The following CUX2 variants were observed in gnomAD, a reference collection of about 807,000 sequenced individuals.
CUX2 encodes the protein cut like homeobox 2, also known as homeobox protein cut-like 2.
Under a neutral mutation model 144.8 loss-of-function variants are expected in CUX2, and 40 were observed. The ratio of observed to expected loss-of-function variants is 0.28; its 90% CI spans 0.21 to 0.36. The LOEUF (loss-of-function observed/expected upper bound fraction) is 0.36, where lower values mean the gene tolerates loss of function less well. Ranked by LOEUF, CUX2 falls within the 10% of genes least tolerant of loss-of-function variation. The probability of loss-of-function intolerance (pLI) is 1.00; values close to 1 mark genes in which losing one functional copy is unlikely to be tolerated. For synonymous variants in CUX2, 827 were observed against 875.6 expected, an observed-to-expected ratio of 0.94 and a Z score of 0.98; for missense variants, 1,615 against 1,994.0, an observed-to-expected ratio of 0.81 and a Z score of 3.62.
At chr12:111,067,047 G>T (rs1301261989) in intron 1 of CUX2, among the ~76,000 whole-genome samples, 1 of 152,214 alleles carries the variant, frequency 6.6e-6, no homozygotes, top group Non-Finnish European at 1.5e-5. Flanking sequence ...GGCTGGGGAG[G>T]TGGACTGGCC....
At chr12:111,313,009 C>T (rs893588843) in intron 16 of CUX2, among the ~76,000 whole-genome samples, 59 of 152,282 alleles carry the variant, frequency 3.9e-4, no homozygotes, top group Middle Eastern at 3.4e-3. Flanking sequence ...CAAATTCTGG[C>T]TCTGCTGTTT....
At chr12:111,094,427 C>G (rs1484734879) in intron 1 of CUX2, among the ~76,000 whole-genome samples, 1 of 152,246 alleles carries the variant, frequency 6.6e-6, no homozygotes, top group Non-Finnish European at 1.5e-5. Flanking sequence ...GTTAACTGAG[C>G]TTGGGGACTG....
intron 19 of CUX2, among the ~76,000 whole-genome samples, chr12:111,336,424 TTGTGTGTGTGTGTGTG>T (rs57009074): frequency 6.8e-6 from 1 of 146,026 alleles, no homozygotes; most frequent in Non-Finnish European, 1.5e-5. Flanking sequence ...CACTTCAGTG[TTGTGTGTGTGTGTGTG>T]TGTGTGTGTG....
intron 1 of CUX2, among the ~76,000 whole-genome samples, chr12:111,049,116 C>T (rs1870136898): frequency 6.6e-6 from 1 of 152,128 alleles, no homozygotes; most frequent in Admixed American, 6.5e-5. Flanking sequence ...ATCCATCCAT[C>T]CCATGAATCC....
intron 1 of CUX2, among the ~76,000 whole-genome samples, chr12:111,055,352 T>C (rs947490247): frequency 6.6e-6 from 1 of 152,230 alleles, no homozygotes; most frequent in Non-Finnish European, 1.5e-5. Flanking sequence ...TTCCTGTCCT[T>C]CCTATCCTGG....
chr12:111,176,929 G>C (rs927832726), intron 1 of CUX2, among the ~76,000 whole-genome samples: 4 of 152,166 alleles, frequency 2.6e-5, no homozygotes, highest in African/African-American at 9.7e-5. Context: ...TCTCATTGCA[G>C]GGTCGTCCTG....
At chr12:111,248,126 C>G (rs1264352195) in intron 3 of CUX2, among the ~76,000 whole-genome samples, 2 of 152,200 alleles carry the variant, frequency 1.3e-5, no homozygotes, top group African/African-American at 4.8e-5. Context: ...GTCTTGAACT[C>G]CTGACCTCAG....
intron 10 of CUX2, 48 bp from the exon 11 acceptor site, chr12:111,306,873 A>ACC: frequency 6.8e-7 from 1 of 1,479,082 alleles, no homozygotes; most frequent in Non-Finnish European, 9.2e-7. Flanking sequence ...AGACCTGTGG[A>ACC]CCCCCATCCC....
At chr12:111,142,239 A>G (rs1436700624) in intron 1 of CUX2, among the ~76,000 whole-genome samples, 1 of 152,204 alleles carries the variant, frequency 6.6e-6, no homozygotes, top group Non-Finnish European at 1.5e-5. Flanking sequence ...GGCCCCTCCA[A>G]TTCAAAATAA....
At chr12:111,087,366 C>CAAAAAAAA (rs1159500448) in intron 1 of CUX2, among the ~76,000 whole-genome samples, 47 of 45,016 alleles carry the variant, frequency 1.0e-3, no homozygotes, top group Non-Finnish European at 1.2e-3. Context: ...GACTCCATCT[C>CAAAAAAAA]AAAAAAAAAA....
intron 1 of CUX2, among the ~76,000 whole-genome samples, chr12:111,085,546 T>C (rs945212887): frequency 3.9e-5 from 6 of 152,202 alleles, no homozygotes; most frequent in African/African-American, 1.4e-4. Context: ...GTAAATACTT[T>C]TGGTCTCTGA....
chr12:111,084,770 G>A (rs368724967), intron 1 of CUX2, among the ~76,000 whole-genome samples: 6 of 152,282 alleles, frequency 3.9e-5, no homozygotes, highest in South Asian at 2.1e-4. Context: ...CAGCGACGGC[G>A]CTGTATAATG....
At chr12:111,242,674 CGTGGTG>C (rs1175564428) in intron 3 of CUX2, among the ~76,000 whole-genome samples, 2 of 152,060 alleles carry the variant, frequency 1.3e-5, no homozygotes, top group African/African-American at 2.4e-5. Context: ...ATTAGCCAGG[CGTGGTG>C]GTGCATGCCT....
chr12:111,288,129 G>A (rs985280758), intron 4 of CUX2, among the ~76,000 whole-genome samples: 1 of 152,150 alleles, frequency 6.6e-6, no homozygotes, highest in South Asian at 2.1e-4. Flanking sequence ...AGTGACATTT[G>A]AGTTGTACTA....
At chr12:111,228,733 A>C (rs1367268117) in intron 3 of CUX2, among the ~76,000 whole-genome samples, 1 of 151,960 alleles carries the variant, frequency 6.6e-6, no homozygotes, top group African/African-American at 2.4e-5. Context: ...CTTAAAAACT[A>C]TGTTTTTTAT....
At chr12:111,270,654 A>C (rs1265564) in intron 4 of CUX2, 45,239 of 151,440 alleles carry the variant, frequency 0.3, 9,219 homozygotes, top group Non-Finnish European at 0.45. Context: ...AAAAAAAAAA[A>C]AAAAACAAGG....
intron 1 of CUX2, among the ~76,000 whole-genome samples, chr12:111,168,962 C>T (rs975892219): frequency 2.0e-5 from 3 of 151,906 alleles, no homozygotes; most frequent in Non-Finnish European, 2.9e-5. Context: ...CCCCTCCCCC[C>T]ACTGTCATCA....
Position 111,273,590 on chromosome 12 carries a change from C to A in CUX2, c.301+9751C>A, listed in dbSNP as rs191336276. 5.1e-3 allele frequency among the ~76,000 whole-genome samples: 778 copies of A among 152,254 alleles called. 26 individuals are homozygous for A. The highest frequency in any genetic ancestry group is 0.047 in the Admixed American group (716 of 15,284). On this transcript the variant is annotated intron_variant, in intron 4 of 21. Coordinates refer to ENST00000261726, the MANE Select transcript of CUX2 (RefSeq NM_015267.4). The stretch of plus-strand genomic sequence containing the variant: ...TGCCAGTAGATTGAAAAGTTCCAGG[C>A]TGGAAGGATGAAGCCTTTGCTGAAA...
intron 1 of CUX2, among the ~76,000 whole-genome samples, chr12:111,203,544 CAA>C (rs771280007): frequency 3.1e-4 from 26 of 84,626 alleles, no homozygotes; most frequent in Admixed American, 3.9e-4. Context: ...GACTCTCTCT[CAA>C]AAAAAAAAAA....
Sources: gnomAD v4.1 joint callset for allele counts (sites outside exome capture counted in the v4.1 genomes callset) on GRCh38, gnomAD v4.1.1 for gene constraint, MANE v1.5 for transcripts, NCBI Gene and HGNC (gene_info 2026-07-23, HGNC 2026-07-21) for gene names.